SUGCT: variants seen among roughly 807,000 people sequenced by gnomAD.
SUGCT encodes succinyl-CoA:glutarate CoA-transferase.
In SUGCT, 41 loss-of-function variants were observed where a neutral mutation model predicts 55.0. That is an observed-to-expected ratio of 0.74 (90% CI 0.58 to 0.97). SUGCT has a LOEUF of 0.97. SUGCT is among the 50% of genes least tolerant of loss of function. The pLI, the probability that SUGCT is intolerant of heterozygous loss-of-function variation, is 0.00. For synonymous variants in SUGCT, 187 were observed against 200.4 expected, an observed-to-expected ratio of 0.93 and a Z score of 0.56; for missense variants, 568 against 547.8, an observed-to-expected ratio of 1.04 and a Z score of -0.37.
At chr7:40,176,958 C>T (rs1433830663) in intron 1 of SUGCT, among the ~76,000 whole-genome samples, 5 of 84,580 alleles carry the variant, frequency 5.9e-5, no homozygotes, top group Admixed American at 1.5e-4. Flanking sequence ...GAGACTCCGT[C>T]TCCAAAAAAA....
intron 9 of SUGCT, among the ~76,000 whole-genome samples, chr7:40,336,840 T>G (rs1438374060): frequency 2.6e-5 from 4 of 152,204 alleles, no homozygotes; most frequent in Admixed American, 6.5e-5. Context: ...ATTGTGATGT[T>G]AGGGTGTCAA....
intron 7 of SUGCT, among the ~76,000 whole-genome samples, chr7:40,244,560 C>T (rs1181701392): frequency 3.9e-5 from 6 of 152,182 alleles, no homozygotes; most frequent in South Asian, 2.1e-4. Context: ...AGCTGTGCTT[C>T]GTAAGATTAG....
chr7:40,518,585 T>G (rs1583882210), intron 12 of SUGCT, among the ~76,000 whole-genome samples: 3 of 151,994 alleles, frequency 2.0e-5, no homozygotes, highest in Middle Eastern at 6.8e-3. Context: ...AGTATTCATA[T>G]ATATGATGTT....
chr7:40,822,180 C>T (rs1411674799), intron 13 of SUGCT, among the ~76,000 whole-genome samples: 1 of 150,540 alleles, frequency 6.6e-6, no homozygotes, highest in Admixed American at 6.6e-5. Context: ...TACTTTACTT[C>T]CGACTATGTG....
the SUGCT span, among the ~76,000 whole-genome samples, chr7:41,015,969 G>T: frequency 6.6e-6 from 1 of 152,194 alleles, no homozygotes; most frequent in Non-Finnish European, 1.5e-5. Context: ...CTATCTGCAT[G>T]GTTACTGCAT....
At chr7:40,137,370 C>G (rs1472642477) in intron 1 of SUGCT, among the ~76,000 whole-genome samples, 1 of 152,116 alleles carries the variant, frequency 6.6e-6, no homozygotes, top group African/African-American at 2.4e-5. Context: ...AAGCATTCCT[C>G]TCTCCTGCCT....
In SUGCT at chr7:40,626,622, C is replaced by T. The variant is rs1584157419; in HGVS notation, c.1090-122812C>T. Among the ~76,000 whole-genome samples, 3 of 152,064 alleles carry T rather than the reference C, an allele frequency of 2.0e-5. No homozygotes were observed. In the South Asian group the frequency reaches 6.2e-4, roughly 32 times the overall value. On this transcript the variant is annotated intron_variant, in intron 12 of 13. Transcript: ENST00000335693. ...TTCTCCTGGGAATGTGTGCTTTCTG[C>T]AGGATTCAGGAAAGAATGAAATGTG...
intron 8 of SUGCT, among the ~76,000 whole-genome samples, chr7:40,305,481 C>T (rs183976838): frequency 1.4e-3 from 218 of 152,190 alleles, no homozygotes; most frequent in Non-Finnish European, 2.5e-3. Flanking sequence ...TTCTAGCAGA[C>T]AGAGATCCAG....
chr7:40,754,205 G>A (rs1195314794), intron 13 of SUGCT, among the ~76,000 whole-genome samples: 2 of 152,142 alleles, frequency 1.3e-5, no homozygotes, highest in Non-Finnish European at 2.9e-5. Context: ...AGTGAAGAGA[G>A]ACAAAGAAAA....
intron 12 of SUGCT, chr7:40,546,585 A>G (rs1430420022): frequency 6.6e-6 from 1 of 152,238 alleles, no homozygotes; most frequent in African/African-American, 2.4e-5. Context: ...AAAAGCCTCT[A>G]AATATTTTTT....
chr7:40,206,119 C>T (rs1786960607), intron 6 of SUGCT, among the ~76,000 whole-genome samples: 2 of 152,126 alleles, frequency 1.3e-5, no homozygotes, highest in Non-Finnish European at 2.9e-5. Context: ...ATAGATCGTG[C>T]CAGATAAACA....
At chr7:40,666,490 A>G (rs1406199573) in intron 12 of SUGCT, among the ~76,000 whole-genome samples, 3 of 84,226 alleles carry the variant, frequency 3.6e-5, no homozygotes, top group Non-Finnish European at 7.0e-5. Context: ...CATGTTTTCC[A>G]TTTTTCCCAG....
chr7:40,955,981 G>A, the SUGCT span, among the ~76,000 whole-genome samples: 3 of 152,110 alleles, frequency 2.0e-5, no homozygotes, highest in South Asian at 6.2e-4. Flanking sequence ...ATGAAGCCAA[G>A]TTGATCATGG....
At chr7:40,561,341 G>C (rs1795824844) in intron 12 of SUGCT, among the ~76,000 whole-genome samples, 1 of 152,086 alleles carries the variant, frequency 6.6e-6, no homozygotes, top group African/African-American at 2.4e-5. Context: ...ATCTCCTTCA[G>C]TTCTCATAAG....
At chr7:40,396,988 A>G (rs1419317440) in intron 9 of SUGCT, among the ~76,000 whole-genome samples, 1 of 152,216 alleles carries the variant, frequency 6.6e-6, no homozygotes, top group Non-Finnish European at 1.5e-5. Flanking sequence ...AATGTAAAAT[A>G]TGAATACTAT....
intron 12 of SUGCT, among the ~76,000 whole-genome samples, chr7:40,523,424 A>C (rs974616863): frequency 2.0e-5 from 3 of 152,096 alleles, no homozygotes; most frequent in Non-Finnish European, 4.4e-5. Context: ...AAAGACTATG[A>C]TGTCAAAGGC....
intron 13 of SUGCT, among the ~76,000 whole-genome samples, chr7:40,795,789 C>T (rs1790525416): frequency 6.6e-6 from 1 of 152,080 alleles, no homozygotes; most frequent in Admixed American, 6.6e-5. Context: ...GTGTATTCTT[C>T]CCCCTATTAC....
intron 12 of SUGCT, among the ~76,000 whole-genome samples, chr7:40,503,393 T>C (rs1792403397): frequency 6.6e-6 from 1 of 152,178 alleles, no homozygotes; most frequent in Non-Finnish European, 1.5e-5. Context: ...GCAAATATTT[T>C]GTATGTTTAA....
At chr7:40,274,932 G>A (rs1016639811) in intron 8 of SUGCT, among the ~76,000 whole-genome samples, 7 of 152,142 alleles carry the variant, frequency 4.6e-5, no homozygotes, top group African/African-American at 1.7e-4. Context: ...CTCCTGAGTA[G>A]CTGGGGTTAC....
Sources: allele counts gnomAD v4.1 joint callset (sites outside exome capture counted in the v4.1 genomes callset), GRCh38; gene constraint gnomAD v4.1.1; transcripts MANE v1.5; gene names NCBI Gene and HGNC (gene_info 2026-07-23, HGNC 2026-07-21).